TTLL11: variants seen among roughly 807,000 people sequenced by gnomAD.
TTLL11 encodes the protein tubulin tyrosine ligase like 11.
Under a neutral mutation model 51.7 loss-of-function variants are expected in TTLL11, and 42 were observed. The ratio of observed to expected loss-of-function variants is 0.81; its 90% CI spans 0.64 to 1.05. The LOEUF (loss-of-function observed/expected upper bound fraction) is 1.05. Ranked by LOEUF, TTLL11 falls within the 50% of genes least tolerant of loss-of-function variation. The probability of loss-of-function intolerance (pLI) is 0.00; values close to 1 mark genes in which losing one functional copy is unlikely to be tolerated. For missense variants in TTLL11, 799 were observed against 940.4 expected, an observed-to-expected ratio of 0.85 and a Z score of 1.97; for synonymous variants, 381 against 383.5, an observed-to-expected ratio of 0.99 and a Z score of 0.08.
intron 8 of TTLL11, among the ~76,000 whole-genome samples, chr9:121,844,235 G>C (rs1231424646): frequency 6.6e-6 from 1 of 151,766 alleles, no homozygotes; most frequent in Non-Finnish European, 1.5e-5. Context: ...AATTGAGAGA[G>C]ATCCAAGAAA....
chr9:121,962,834 C>T (rs1842278373), intron 6 of TTLL11, among the ~76,000 whole-genome samples: 1 of 152,204 alleles, frequency 6.6e-6, no homozygotes, highest in African/African-American at 2.4e-5. Context: ...ACCTTCCTTA[C>T]CCATAAGCAC....
At chr9:122,007,648 T>C (rs750106615) in intron 3 of TTLL11, among the ~76,000 whole-genome samples, 14 of 152,050 alleles carry the variant, frequency 9.2e-5, no homozygotes, top group Non-Finnish European at 1.9e-4. Context: ...CATACATAGA[T>C]AGTTAAATCA....
chr9:122,074,738 A>C (rs1161854707), intron 1 of TTLL11, among the ~76,000 whole-genome samples: 2 of 50,272 alleles, frequency 4.0e-5, no homozygotes, highest in South Asian at 3.7e-4. Flanking sequence ...TCGTCTCTAC[A>C]AAAAAAAAAA....
intron 6 of TTLL11, among the ~76,000 whole-genome samples, chr9:121,928,281 A>G (rs1439460611): frequency 6.6e-6 from 1 of 152,152 alleles, no homozygotes; most frequent in Non-Finnish European, 1.5e-5. Context: ...ATTGGGATGT[A>G]ATTGTTATAT....
intron 4 of TTLL11, among the ~76,000 whole-genome samples, chr9:121,980,406 G>T (rs1842802698): frequency 6.6e-6 from 1 of 152,178 alleles, no homozygotes; most frequent in African/African-American, 2.4e-5. Context: ...CCAAGGGAAA[G>T]CACTTTGTGA....
chr9:122,020,796 AAGGTGACC>A (rs1331807984), intron 3 of TTLL11, among the ~76,000 whole-genome samples: 1 of 152,186 alleles, frequency 6.6e-6, no homozygotes, highest in Non-Finnish European at 1.5e-5. Context: ...AAACAATGAG[AAGGTGACC>A]AGCTATAAAC....
At chr9:121,882,287 C>A (rs144944813) in intron 6 of TTLL11, among the ~76,000 whole-genome samples, 1 of 152,148 alleles carries the variant, frequency 6.6e-6, no homozygotes, top group East Asian at 1.9e-4. Flanking sequence ...CTGTAGTCAG[C>A]GCCCTGGCCT....
chr9:121,928,967 A>G (rs185592273), intron 6 of TTLL11, among the ~76,000 whole-genome samples: 15 of 152,288 alleles, frequency 9.8e-5, no homozygotes, highest in African/African-American at 3.4e-4. Flanking sequence ...CATTTGCCAC[A>G]CTAGTATAAA....
At chr9:121,840,294 T>G (rs1318769909) in intron 8 of TTLL11, among the ~76,000 whole-genome samples, 1 of 152,200 alleles carries the variant, frequency 6.6e-6, no homozygotes, top group African/African-American at 2.4e-5. Flanking sequence ...CCACCACGTA[T>G]CCTCGGATGC....
chr9:122,041,407 T>C (rs915323237), intron 1 of TTLL11, among the ~76,000 whole-genome samples: 15 of 152,164 alleles, frequency 9.9e-5, no homozygotes, highest in Non-Finnish European at 2.1e-4. Flanking sequence ...TACATCAACA[T>C]AGTATTATAA....
At chr9:121,969,460 G>A (rs113712895) in intron 6 of TTLL11, among the ~76,000 whole-genome samples, 22 of 152,000 alleles carry the variant, frequency 1.4e-4, no homozygotes, top group Admixed American at 5.2e-4. Context: ...GCATGCACAC[G>A]GGTCTGGGGC....
chr9:122,083,810 G>A (rs1014131263), intron 1 of TTLL11, among the ~76,000 whole-genome samples: 5 of 151,340 alleles, frequency 3.3e-5, no homozygotes, highest in South Asian at 2.1e-4. Flanking sequence ...ACTCTATCTC[G>A]AAAAAAAAGA....
At chr9:121,892,191 T>A (rs1839269783) in intron 6 of TTLL11, among the ~76,000 whole-genome samples, 1 of 36,808 alleles carries the variant, frequency 2.7e-5, no homozygotes. Flanking sequence ...CACACACATA[T>A]ATATACATAT....
At chr9:121,991,710 A>T (rs1843119595) in intron 3 of TTLL11, among the ~76,000 whole-genome samples, 1 of 152,204 alleles carries the variant, frequency 6.6e-6, no homozygotes, top group Non-Finnish European at 1.5e-5. Context: ...AGTCTCCGTC[A>T]CTCATTGGAT....
At chr9:121,981,754 G>T (rs889824183) in intron 4 of TTLL11, among the ~76,000 whole-genome samples, 1 of 152,176 alleles carries the variant, frequency 6.6e-6, no homozygotes, top group African/African-American at 2.4e-5. Flanking sequence ...AATAGCATGG[G>T]TCTAGAGTAA....
At chr9:122,057,060 G>C (rs899863342) in intron 1 of TTLL11, among the ~76,000 whole-genome samples, 16 of 152,206 alleles carry the variant, frequency 1.1e-4, no homozygotes, top group African/African-American at 3.9e-4. Flanking sequence ...AGCAAAGCCA[G>C]AGGTGGGAAG....
chr9:121,979,391 A>C (rs1842781333), intron 4 of TTLL11, among the ~76,000 whole-genome samples: 1 of 152,242 alleles, frequency 6.6e-6, no homozygotes, highest in Non-Finnish European at 1.5e-5. Context: ...ACTGCGAGAT[A>C]GTGGGTATTT....
rs1442205097 is a variant in TTLL11 at position 121,920,136 on chromosome 9, C to CA, written c.1482-49389dup. Among the ~76,000 whole-genome samples the CA allele has an allele frequency of 8.6e-5, 13 of 151,468 alleles. No individual in the cohort carries two copies. The South Asian group carries it at 1.5e-3, about 17-fold the overall frequency. ...GGGCAACATGGCAAAACACCATCTC[C>CA]AAAAAAAATACAAAACATTTGCCAG... On this transcript the variant is annotated intron_variant, in intron 6 of 8. Transcript: ENST00000321582.
intron 8 of TTLL11, among the ~76,000 whole-genome samples, chr9:121,854,901 C>G (rs1837766823): frequency 6.6e-6 from 1 of 152,172 alleles, no homozygotes; most frequent in Non-Finnish European, 1.5e-5. Context: ...GCTGGAAATT[C>G]TAGAAGTGAA....
Sources: allele counts gnomAD v4.1 joint callset (sites outside exome capture counted in the v4.1 genomes callset), GRCh38; gene constraint gnomAD v4.1.1; transcripts MANE v1.5; gene names NCBI Gene and HGNC (gene_info 2026-07-23, HGNC 2026-07-21).